RBFOX3: variants seen among roughly 807,000 people sequenced by gnomAD.
RBFOX3 encodes RNA binding protein fox-1 homolog 3.
In RBFOX3, 17 loss-of-function variants were observed where a neutral mutation model predicts 48.7. The ratio of observed to expected loss-of-function variants is 0.35; its 90% CI spans 0.24 to 0.52. RBFOX3 has a LOEUF of 0.52. Ranked by LOEUF, RBFOX3 falls within the 20% of genes least tolerant of loss-of-function variation. The pLI is 0.94. For synonymous variants in RBFOX3, 212 were observed against 209.5 expected (o/e 1.01, Z -0.10); for missense variants, 382 against 497.5 (o/e 0.77, Z 2.21).
intron 2 of RBFOX3, among the ~76,000 whole-genome samples, chr17:79,350,482 G>C (rs1179291073): frequency 2.0e-5 from 3 of 152,176 alleles, no homozygotes; most frequent in African/African-American, 7.2e-5. Context: ...GGATTGATAG[G>C]GTGACCAATG....
In RBFOX3 at chr17:79,195,411, AAAG is replaced by A. The variant is rs1387816459; in HGVS notation, c.-34+40352_-34+40354del. On this transcript the variant is annotated intron_variant, in intron 4 of 14. Coordinates refer to ENST00000693108, the MANE Select transcript of RBFOX3 (RefSeq NM_001350451.2). This position sits in a 1 kb window ranked among gnomAD's most constrained non-coding sequence, Gnocchi z 5.3. ...AGTGAGACTCCATCTTGAAAAAAAA[AAAG>A]AAGAAGAAGAAATGCAAAATGCAAA... is the stretch of plus-strand genomic sequence containing the variant. Among the ~76,000 whole-genome samples, 3 of 152,172 alleles carry A rather than the reference AAAG, an allele frequency of 2.0e-5. No individual in the cohort carries two copies. The highest frequency in any genetic ancestry group is 6.5e-5 in the Admixed American group (1 of 15,294).
At chr17:79,208,431 G>T (rs1298422304) in intron 4 of RBFOX3, 2 of 152,300 alleles carry the variant, frequency 1.3e-5, no homozygotes, top group Non-Finnish European at 2.9e-5. Flanking sequence ...GGTCAAGGAA[G>T]AGAAAAGAGG....
chr17:79,300,963 C>T (rs2075216949), intron 3 of RBFOX3, among the ~76,000 whole-genome samples: 1 of 152,226 alleles, frequency 6.6e-6, no homozygotes, highest in Admixed American at 6.5e-5. Context: ...GATGCCAGGG[C>T]TGACGCAGGG....
At chr17:79,256,685 A>G (rs2064905500) in intron 3 of RBFOX3, among the ~76,000 whole-genome samples, 1 of 152,142 alleles carries the variant, frequency 6.6e-6, no homozygotes, top group African/African-American at 2.4e-5. Flanking sequence ...TGGGAGGCCG[A>G]GGCAGGTGGA....
chr17:79,665,196 T>C, the RBFOX3 span, among the ~76,000 whole-genome samples: 1 of 152,232 alleles, frequency 6.6e-6, no homozygotes. Context: ...AAGCAAGATT[T>C]GTCCTGAGCT....
At chr17:79,407,674 C>T (rs1052525947) in intron 2 of RBFOX3, among the ~76,000 whole-genome samples, 3 of 152,000 alleles carry the variant, frequency 2.0e-5, no homozygotes, top group African/African-American at 4.8e-5. Context: ...GGGGACAAGG[C>T]GTGGGGAGGA....
intron 2 of RBFOX3, among the ~76,000 whole-genome samples, chr17:79,330,435 A>G (rs931630319): frequency 7.1e-6 from 1 of 141,566 alleles, no homozygotes; most frequent in Non-Finnish European, 1.5e-5. Flanking sequence ...TCCACCGAGC[A>G]CAACGATGCC....
intron 1 of RBFOX3, among the ~76,000 whole-genome samples, chr17:79,498,915 C>T (rs879959987): frequency 5.2e-5 from 7 of 133,618 alleles, no homozygotes; most frequent in Admixed American, 7.6e-5. Context: ...CATATGGCTA[C>T]CCATCCATCC....
chr17:79,296,069 G>C (rs2145120760), intron 3 of RBFOX3, among the ~76,000 whole-genome samples: 1 of 152,130 alleles, frequency 6.6e-6, no homozygotes, highest in South Asian at 2.1e-4. Context: ...ATAGAAGAGG[G>C]CAGGGGAGCA....
intron 1 of RBFOX3, among the ~76,000 whole-genome samples, chr17:79,543,786 C>T (rs1168800759): frequency 1.3e-5 from 2 of 151,254 alleles, no homozygotes; most frequent in African/African-American, 2.4e-5. Flanking sequence ...TCTTGGCTAC[C>T]GTCCAGCAAT....
chr17:79,170,162 A>G (rs1302464927), intron 4 of RBFOX3, among the ~76,000 whole-genome samples: 1 of 147,898 alleles, frequency 6.8e-6, no homozygotes, highest in South Asian at 2.2e-4. Context: ...AGGGAGGAGG[A>G]AGGAGGAAGG....
intron 4 of RBFOX3, among the ~76,000 whole-genome samples, chr17:79,134,095 C>T (rs2039615622): frequency 6.6e-6 from 1 of 152,194 alleles, no homozygotes; most frequent in Non-Finnish European, 1.5e-5. Context: ...CAGGACCCCA[C>T]CCTTGCACTC....
chr17:79,535,485 TC>T lies in RBFOX3; in HGVS notation c.-319-52888del, dbSNP rs575869593. Among the ~76,000 whole-genome samples, 330 of 152,120 alleles carry T rather than the reference TC, an allele frequency of 2.2e-3. 1 individual carries two copies. Among genetic ancestry groups the T allele is most frequent in the Middle Eastern group, 0.01 (3 of 294 alleles). On this transcript the variant is annotated intron_variant, in intron 1 of 14. Transcript: ENST00000693108. The surrounding 1 kb of genome is among the most constrained non-coding windows in gnomAD (Gnocchi z 4.5). Reference sequence around the variant, plus strand: ...CTCCAATCTCCCGATTCCTTTACTCTCCCCTGTTACCCAAGTGAGTCACCCC... The same window carrying T: ...CTCCAATCTCCCGATTCCTTTACTCTCCCTGTTACCCAAGTGAGTCACCCC...
chr17:79,520,593 A>G (rs1011704389), intron 1 of RBFOX3, among the ~76,000 whole-genome samples: 1 of 152,206 alleles, frequency 6.6e-6, no homozygotes, highest in Non-Finnish European at 1.5e-5. Flanking sequence ...CCTCATGCAC[A>G]GGGCCAGAGG....
At chr17:79,548,425 C>A (rs2090755916) in intron 1 of RBFOX3, among the ~76,000 whole-genome samples, 1 of 152,244 alleles carries the variant, frequency 6.6e-6, no homozygotes, top group South Asian at 2.1e-4. Context: ...GGACAGCAGC[C>A]CCCATCTTCT....
intron 2 of RBFOX3, among the ~76,000 whole-genome samples, chr17:79,359,562 A>G (rs1351876807): frequency 6.6e-6 from 1 of 152,092 alleles, no homozygotes; most frequent in East Asian, 1.9e-4. Flanking sequence ...CAGGCCAATC[A>G]CATTTGAACA....
chr17:79,268,794 G>A (rs968831718), intron 3 of RBFOX3, among the ~76,000 whole-genome samples: 29 of 152,004 alleles, frequency 1.9e-4, no homozygotes, highest in Admixed American at 5.9e-4. Flanking sequence ...TGTGCTGCCC[G>A]CTGCCTGCCA....
In RBFOX3 at chr17:79,124,270, G is replaced by A. The variant is rs545607921; in HGVS notation, c.-33-8522C>T. 1.4e-4 allele frequency among the ~76,000 whole-genome samples: 22 copies of A among 152,314 alleles called. No individual in the cohort carries two copies. The South Asian group carries it at 2.5e-3, about 17-fold the overall frequency. On this transcript the variant is annotated intron_variant, in intron 4 of 14. Coordinates refer to ENST00000693108, the MANE Select transcript of RBFOX3 (RefSeq NM_001350451.2). ...AAGAGAGGGTTGTTAGACATTTACC[G>A]GCACGCCACTGCCCAGCTCCCTTCA...
chr17:79,155,704 T>G (rs1450542454), intron 4 of RBFOX3, among the ~76,000 whole-genome samples: 1 of 150,152 alleles, frequency 6.7e-6, no homozygotes, highest in Non-Finnish European at 1.5e-5. Context: ...AGAATGGAGG[T>G]GCCAGCACCT....
Sources: gnomAD v4.1 joint callset for allele counts (sites outside exome capture counted in the v4.1 genomes callset) on GRCh38, gnomAD v4.1.1 for gene constraint, Gnocchi (gnomAD v3.1) non-coding constraint, MANE v1.5 for transcripts, NCBI Gene and HGNC (gene_info 2026-07-23, HGNC 2026-07-21) for gene names.